The following NCKAP5 variants were observed in gnomAD, a reference collection of about 807,000 sequenced individuals.
The protein encoded by NCKAP5 is NCK associated protein 5, also known as nck-associated protein 5.
In NCKAP5, 92 loss-of-function variants were observed where a neutral mutation model predicts 167.0. The observed-to-expected ratio is 0.55, with a 90% CI of 0.47 to 0.66. NCKAP5 has a LOEUF of 0.66. Ranked by LOEUF, NCKAP5 falls within the 30% of genes least tolerant of loss-of-function variation. The pLI is 0.00. For missense variants in NCKAP5, 2,378 were observed against 2,315.0 expected (o/e 1.03, Z -0.56); for synonymous variants, 891 against 877.4 (o/e 1.02, Z -0.27).
intron 5 of NCKAP5, among the ~76,000 whole-genome samples, chr2:133,160,407 T>TC (rs2083738670): frequency 5.5e-5 from 2 of 36,268 alleles, no homozygotes; most frequent in Non-Finnish European, 1.2e-4. Flanking sequence ...AAGGTCACAT[T>TC]CTTTTTTTTT....
chr2:133,655,093 T>C, the NCKAP5 span, among the ~76,000 whole-genome samples: 1 of 152,210 alleles, frequency 6.6e-6, no homozygotes. Flanking sequence ...TTTACTTCCA[T>C]AGCTAGTGAC....
At chr2:132,908,089 T>C (rs1438206234) in intron 8 of NCKAP5, among the ~76,000 whole-genome samples, 1 of 152,218 alleles carries the variant, frequency 6.6e-6, no homozygotes, top group African/African-American at 2.4e-5. Context: ...AGTTACAAAT[T>C]CTTTCTTTAG....
intron 6 of NCKAP5, among the ~76,000 whole-genome samples, chr2:132,998,699 C>A (rs1206795374): frequency 6.6e-6 from 1 of 152,116 alleles, no homozygotes; most frequent in African/African-American, 2.4e-5. Context: ...CGCCCAATTA[C>A]ATTTTGCTTC....
At chr2:133,024,960 T>C (rs181597874) in intron 6 of NCKAP5, among the ~76,000 whole-genome samples, 4 of 152,322 alleles carry the variant, frequency 2.6e-5, no homozygotes, top group African/African-American at 9.6e-5. Flanking sequence ...ATAGAAAATA[T>C]GATGATGGAT....
chr2:133,414,166 T>C (rs2151069482), intron 3 of NCKAP5, among the ~76,000 whole-genome samples: 1 of 152,172 alleles, frequency 6.6e-6, no homozygotes, highest in South Asian at 2.1e-4. Context: ...ATACAGTGAG[T>C]TCTTAAAGTC....
chr2:133,006,433 T>C (rs1257987364), intron 6 of NCKAP5, among the ~76,000 whole-genome samples: 1 of 152,178 alleles, frequency 6.6e-6, no homozygotes, highest in Non-Finnish European at 1.5e-5. Context: ...CTTCATCAGA[T>C]GGTTACAATC....
intron 5 of NCKAP5, among the ~76,000 whole-genome samples, chr2:133,201,988 C>T (rs1172841097): frequency 1.3e-5 from 2 of 152,124 alleles, no homozygotes; most frequent in East Asian, 1.9e-4. Flanking sequence ...TCAATGCCAT[C>T]CCCATCAGGC....
Position 133,518,344 on chromosome 2 carries a change from A to ATTTTTTTTTTT in NCKAP5, c.-61-768_-61-758dup, listed in dbSNP as rs751025050. Among the ~76,000 whole-genome samples the ATTTTTTTTTTT allele has an allele frequency of 4.0e-4, 30 of 74,632 alleles. 6 individuals carry two copies. The highest frequency in any genetic ancestry group is 1.7e-3 in the East Asian group (3 of 1,772). The allele number at this position is 74,632 out of a possible 152,430, so 49.0% of individuals were successfully genotyped here. ...TAAAAGAAATGGGTTACAGTAAAGG[A>ATTTTTTTTTTT]TTTTTTTTTTTTTTTTTTTTTTTTT... On this transcript the variant is annotated intron_variant, in intron 2 of 19. Coordinates refer to ENST00000409261, the MANE Select transcript of NCKAP5 (RefSeq NM_207363.3).
chr2:132,854,370 T>C (rs947660626), intron 11 of NCKAP5, among the ~76,000 whole-genome samples: 1 of 152,198 alleles, frequency 6.6e-6, no homozygotes, highest in African/African-American at 2.4e-5. Context: ...CAAAGTAACA[T>C]ATCAATGCTG....
At chr2:132,942,370 T>C (rs1574712602) in intron 8 of NCKAP5, among the ~76,000 whole-genome samples, 2 of 152,182 alleles carry the variant, frequency 1.3e-5, no homozygotes, top group Admixed American at 6.6e-5. Context: ...TCTGTGGGGC[T>C]GAGGTTGGGC....
chr2:132,810,874 T>G (rs1685811874), intron 11 of NCKAP5, among the ~76,000 whole-genome samples: 1 of 152,200 alleles, frequency 6.6e-6, no homozygotes. Flanking sequence ...CAGGGTTGGT[T>G]TTCTGGTTCC....
intron 11 of NCKAP5, 35 bp downstream of exon 11, chr2:132,860,457 C>A (rs1689802932): frequency 1.3e-6 from 2 of 1,550,184 alleles, no homozygotes. Flanking sequence ...AATAGCATTT[C>A]AGTAGCAAAG....
chr2:133,040,844 T>C (rs546045868), intron 6 of NCKAP5, among the ~76,000 whole-genome samples: 7 of 152,298 alleles, frequency 4.6e-5, no homozygotes, highest in Admixed American at 2.0e-4. Flanking sequence ...GGCTGGTCTA[T>C]ATTTCAGACA....
At chr2:133,071,823 T>C (rs1468109467) in intron 6 of NCKAP5, among the ~76,000 whole-genome samples, 1 of 152,212 alleles carries the variant, frequency 6.6e-6, no homozygotes, top group Non-Finnish European at 1.5e-5. Context: ...AAGAGCCTAC[T>C]GTAATAAAGA....
At chr2:132,897,750 C>G (rs1693316371) in intron 8 of NCKAP5, among the ~76,000 whole-genome samples, 1 of 152,180 alleles carries the variant, frequency 6.6e-6, no homozygotes, top group Non-Finnish European at 1.5e-5. Flanking sequence ...CACTACTACA[C>G]TATAGTATAT....
intron 19 of NCKAP5, among the ~76,000 whole-genome samples, chr2:132,711,318 T>A (rs752228276): frequency 2.0e-5 from 3 of 152,176 alleles, no homozygotes; most frequent in Non-Finnish European, 4.4e-5. Flanking sequence ...GAGCTACACC[T>A]CACTGAGCCT....
intron 3 of NCKAP5, among the ~76,000 whole-genome samples, chr2:133,338,106 T>C (rs187562544): frequency 2.0e-5 from 3 of 152,144 alleles, no homozygotes; most frequent in Non-Finnish European, 2.9e-5. Context: ...AGCTGAATTA[T>C]ATGGGTCTAT....
chr2:133,101,494 A>T (rs1199825800), intron 6 of NCKAP5, among the ~76,000 whole-genome samples: 1 of 141,874 alleles, frequency 7.0e-6, no homozygotes, highest in African/African-American at 2.7e-5. Flanking sequence ...TACCTTGGGC[A>T]GTATGGCCAT....
chr2:133,283,548 G>A (rs1042888057), intron 4 of NCKAP5, among the ~76,000 whole-genome samples: 4 of 151,614 alleles, frequency 2.6e-5, no homozygotes, highest in African/African-American at 7.3e-5. Flanking sequence ...AAATGTAAGC[G>A]CTACAGTTCA....
Sources: gnomAD v4.1 joint callset for allele counts (sites outside exome capture counted in the v4.1 genomes callset) on GRCh38, gnomAD v4.1.1 for gene constraint, MANE v1.5 for transcripts, NCBI Gene and HGNC (gene_info 2026-07-23, HGNC 2026-07-21) for gene names.